HDAC9: variants seen among roughly 807,000 people sequenced by gnomAD.
HDAC9 encodes histone deacetylase 9, also known as MEF-2 interacting transcription repressor (MITR) protein.
HDAC9 carries 41 observed loss-of-function variants against 139.4 expected under a neutral mutation model. The observed-to-expected ratio is 0.29, with a 90% CI of 0.23 to 0.38. The LOEUF is 0.38. Among genes scored for constraint, HDAC9 ranks in the 10% least tolerant of loss-of-function variants. The pLI, the probability that HDAC9 is intolerant of heterozygous loss-of-function variation, is 1.00. For missense variants in HDAC9, 1,147 were observed against 1,297.0 expected (o/e 0.88, Z 1.78); for synonymous variants, 517 against 476.2 (o/e 1.09, Z -1.12).
intron 22 of HDAC9, among the ~76,000 whole-genome samples, chr7:18,918,910 T>C (rs6967021): frequency 0.5 from 75,644 of 151,802 alleles, 19,443 homozygotes; most frequent in African/African-American, 0.61. Context: ...TCATATTTAG[T>C]TCTCTGGTTG....
At chr7:18,909,034 C>G (rs1802516785) in intron 22 of HDAC9, among the ~76,000 whole-genome samples, 1 of 152,038 alleles carries the variant, frequency 6.6e-6, no homozygotes, top group Non-Finnish European at 1.5e-5. Context: ...GTTCATTTTT[C>G]TCTACATCCT....
At chr7:18,777,349 T>C (rs976530896) in intron 16 of HDAC9, among the ~76,000 whole-genome samples, 2 of 151,266 alleles carry the variant, frequency 1.3e-5, no homozygotes, top group African/African-American at 2.4e-5. Flanking sequence ...TGGGTTGGTT[T>C]TTTTCCTTGT....
chr7:18,938,051 A>C (rs1585357371), intron 23 of HDAC9, among the ~76,000 whole-genome samples: 3 of 152,078 alleles, frequency 2.0e-5, no homozygotes, highest in South Asian at 4.1e-4. Context: ...TGTGTTTTGT[A>C]CCTTGCTGCC....
At position 18,629,376 on chromosome 7, in the gene HDAC9, T is replaced by C; in HGVS notation, c.691T>C (p.Ser231Pro). ...CTCTGAGCCCAACTTGAAGGTGCGG[T>C]CCAGGTTAAAACAGAAAGTGGCAGA... is the stretch of plus-strand genomic sequence containing the variant. Reference protein sequence around the residue: ...TASEPNLKVRSRLKQKVAERR... With the variant: ...TASEPNLKVRPRLKQKVAERR... The change falls in exon 7 of 26, where the codon TCC becomes CCC. Residue 231 changes from serine (S) to proline (P), a missense_variant. Transcript: ENST00000686413. 1 of 1,606,114 alleles carries C rather than the reference T, an allele frequency of 6.2e-7. No individual in the cohort carries two copies. Among genetic ancestry groups the C allele is most frequent in the East Asian group, 2.2e-5 (1 of 44,470 alleles).
chr7:18,589,372 T>A (rs1830331172), intron 3 of HDAC9, among the ~76,000 whole-genome samples: 1 of 152,018 alleles, frequency 6.6e-6, no homozygotes, highest in Non-Finnish European at 1.5e-5. Context: ...CTAAAAATGA[T>A]AATTTTAAAA....
intron 2 of HDAC9, among the ~76,000 whole-genome samples, chr7:18,271,294 G>T (rs1392181704): frequency 6.6e-6 from 1 of 152,118 alleles, no homozygotes; most frequent in Non-Finnish European, 1.5e-5. Context: ...TCTATGTATT[G>T]ATTTGTGTAT....
intron 13 of HDAC9, among the ~76,000 whole-genome samples, chr7:18,731,978 A>C (rs1190055548): frequency 6.6e-6 from 1 of 151,964 alleles, no homozygotes; most frequent in Non-Finnish European, 1.5e-5. Context: ...CCCAAACAAA[A>C]GACATAATTG....
In HDAC9 at chr7:18,606,001, C is replaced by T. The variant is rs189860220; in HGVS notation, c.664+11972C>T. 4.1e-3 allele frequency among the ~76,000 whole-genome samples: 622 copies of T among 152,184 alleles called. 2 individuals carry two copies. Among genetic ancestry groups the T allele is most frequent in the Middle Eastern group, 6.8e-3 (2 of 294 alleles). On this transcript the variant is annotated intron_variant, in intron 6 of 25. Transcript: ENST00000686413. ...GGCTGCCCCTGGAGTTTTTAACTCT[C>T]AAGCTGGTTCACATTCAGCCTCCAG...
intron 1 of HDAC9, among the ~76,000 whole-genome samples, chr7:18,474,473 C>G (rs1794961757): frequency 6.6e-6 from 1 of 152,126 alleles, no homozygotes; most frequent in African/African-American, 2.4e-5. Context: ...TCCAGGGAAA[C>G]AAAGCAATCA....
chr7:18,618,579 A>G (rs1839309804), intron 6 of HDAC9, among the ~76,000 whole-genome samples: 2 of 151,512 alleles, frequency 1.3e-5, no homozygotes, highest in East Asian at 3.9e-4. Context: ...AAATGGCCCC[A>G]CTCTCTCACG....
intron 2 of HDAC9, among the ~76,000 whole-genome samples, chr7:18,547,362 A>C (rs553086939): frequency 3.2e-4 from 48 of 152,124 alleles, no homozygotes; most frequent in Non-Finnish European, 2.5e-4. Flanking sequence ...CAGCCTCCCG[A>C]GTAGCTGGGA....
At chr7:18,090,544 T>C (rs1396904943) in intron 1 of HDAC9, among the ~76,000 whole-genome samples, 1 of 152,218 alleles carries the variant, frequency 6.6e-6, no homozygotes, top group African/African-American at 2.4e-5. Context: ...GCCCTTTTAC[T>C]GATCAAAGCA....
At chr7:18,807,040 T>G (rs1425395642) in intron 17 of HDAC9, among the ~76,000 whole-genome samples, 1 of 152,200 alleles carries the variant, frequency 6.6e-6, no homozygotes, top group East Asian at 1.9e-4. Flanking sequence ...GCATTAATTC[T>G]TTAAATGTTT....
intron 6 of HDAC9, among the ~76,000 whole-genome samples, chr7:18,628,290 C>A (rs1842229290): frequency 6.6e-6 from 1 of 152,104 alleles, no homozygotes; most frequent in African/African-American, 2.4e-5. Context: ...TAACCTTGGG[C>A]AAGATACTTA....
At chr7:18,725,380 A>G (rs949460439) in intron 12 of HDAC9, among the ~76,000 whole-genome samples, 2 of 152,174 alleles carry the variant, frequency 1.3e-5, no homozygotes, top group Non-Finnish European at 2.9e-5. Context: ...TAGAACTTAG[A>G]AAAGAATAAA....
intron 17 of HDAC9, among the ~76,000 whole-genome samples, chr7:18,803,841 A>G (rs1793495257): frequency 2.0e-5 from 3 of 152,196 alleles, no homozygotes; most frequent in Non-Finnish European, 4.4e-5. Flanking sequence ...ATTTTGTGAT[A>G]TATCCCTTGC....
intron 2 of HDAC9, among the ~76,000 whole-genome samples, chr7:18,567,852 T>C (rs778728829): frequency 6.6e-6 from 1 of 151,850 alleles, no homozygotes; most frequent in Non-Finnish European, 1.5e-5. Flanking sequence ...ACCTCAAGGT[T>C]TTAAAACATT....
chr7:18,772,229 G>C (rs1221991230), intron 16 of HDAC9, among the ~76,000 whole-genome samples: 2 of 152,072 alleles, frequency 1.3e-5, no homozygotes, highest in African/African-American at 4.8e-5. Context: ...ACAGGTCATG[G>C]GAGGCAGCCA....
At chr7:18,498,649 A>C (rs1206453484) in intron 2 of HDAC9, among the ~76,000 whole-genome samples, 1 of 152,094 alleles carries the variant, frequency 6.6e-6, no homozygotes, top group Non-Finnish European at 1.5e-5. Flanking sequence ...GCAGCAGTGC[A>C]AAGGAGTGGA....
Sources: gnomAD v4.1 joint callset for allele counts (sites outside exome capture counted in the v4.1 genomes callset) on GRCh38, gnomAD v4.1.1 for gene constraint, MANE v1.5 for transcripts, NCBI Gene and HGNC (gene_info 2026-07-23, HGNC 2026-07-21) for gene names.